LZTFL1: variants seen among roughly 807,000 people sequenced by gnomAD.
LZTFL1 encodes the protein leucine zipper transcription factor like 1.
A neutral mutation model predicts 45.9 loss-of-function variants in LZTFL1; 25 were observed. The ratio of observed to expected loss-of-function variants is 0.54; its 90% CI spans 0.40 to 0.76. LZTFL1 has a LOEUF of 0.76. LZTFL1 is among the 30% of genes least tolerant of loss of function. The probability of loss-of-function intolerance (pLI) is 0.00; values close to 1 mark genes in which losing one functional copy is unlikely to be tolerated. For missense variants in LZTFL1, 277 were observed against 331.1 expected, an observed-to-expected ratio of 0.84 and a Z score of 1.27; for synonymous variants, 93 against 117.4, an observed-to-expected ratio of 0.79 and a Z score of 1.35.
rs750122631 is a variant in LZTFL1, at chr3:45,900,911, C to T, written c.-215+12209G>A. On this transcript the variant is annotated intron_variant, in intron 2 of 4. Coordinates refer to the LZTFL1 transcript ENST00000472635. The surrounding 1 kb of genome is among the most constrained non-coding windows in gnomAD (Gnocchi z 4.7). ...TCACTGACTTCTACTGTGAGAAAAA[C>T]AATGTCAGGCAGTTTGCGAGCCATT... is the stretch of plus-strand genomic sequence containing the variant. 1 of 1,614,176 alleles carries T rather than the reference C, an allele frequency of 6.2e-7. No homozygotes were observed.
chr3:45,850,238 T>G (rs1701286436), intron 4 of LZTFL1, among the ~76,000 whole-genome samples: 1 of 152,218 alleles, frequency 6.6e-6, no homozygotes, highest in Non-Finnish European at 1.5e-5. Context: ...AACAGCCTCA[T>G]GAGATGCATA....
At chr3:45,874,536 G>T (rs1008911635) in intron 2 of LZTFL1, among the ~76,000 whole-genome samples, 9 of 152,104 alleles carry the variant, frequency 5.9e-5, no homozygotes, top group Admixed American at 4.6e-4. Flanking sequence ...TCCTCAGAGA[G>T]GCCTTCTCCC....
intron 2 of LZTFL1, among the ~76,000 whole-genome samples, chr3:45,905,220 T>C (rs898098151): frequency 1.2e-4 from 19 of 152,148 alleles, no homozygotes; most frequent in African/African-American, 4.3e-4. Context: ...AGACACACCA[T>C]AGTGCTTCTG....
chr3:45,899,694 C>T (rs920583893), intron 2 of LZTFL1, among the ~76,000 whole-genome samples: 8 of 152,120 alleles, frequency 5.3e-5, no homozygotes, highest in South Asian at 2.1e-4. Flanking sequence ...GAAGTGAGAG[C>T]GCTTGAAGAT....
At chr3:45,843,386 G>A (rs933259157), upstream of LZTFL1, among the ~76,000 whole-genome samples, 6 of 152,170 alleles carry the variant, frequency 3.9e-5, no homozygotes, top group African/African-American at 9.7e-5. Context: ...GTAGACATTC[G>A]TTGTGTTCAC....
rs200677145 is a variant in LZTFL1 at position 45,901,470 on chromosome 3, G to A, written c.-215+11650C>T. 35 of 1,614,002 alleles carry A rather than the reference G, an allele frequency of 2.2e-5. No homozygotes were observed. Among genetic ancestry groups the A allele is most frequent in the Admixed American group, 2.0e-4 (12 of 59,998 alleles). ...CATTCTGGGGTTCTTCCTTCCCTTC[G>A]TGGTCATGGCTTGCTGCTATACCAT... On this transcript the variant is annotated intron_variant, in intron 2 of 4. Coordinates refer to the LZTFL1 transcript ENST00000472635. The surrounding 1 kb of genome is among the most constrained non-coding windows in gnomAD (Gnocchi z 4.3).
chr3:45,841,858 C>T (rs1022432621), intron 1 of LZTFL1, 131 bp downstream of exon 1: 8 of 1,237,282 alleles, frequency 6.5e-6, no homozygotes, highest in Non-Finnish European at 8.0e-6. Context: ...AGCTCCCCTT[C>T]TCAGGGAGGC....
intron 2 of LZTFL1, among the ~76,000 whole-genome samples, chr3:45,895,628 C>T (rs975601739): frequency 2.0e-5 from 3 of 151,822 alleles, no homozygotes; most frequent in Admixed American, 6.6e-5. Context: ...GCACGAGAGT[C>T]GCTTGAGCCT....
At chr3:45,835,994 G>A (rs1224392794) in intron 2 of LZTFL1, among the ~76,000 whole-genome samples, 1 of 152,094 alleles carries the variant, frequency 6.6e-6, no homozygotes, top group Non-Finnish European at 1.5e-5. Context: ...ATTAAATTGT[G>A]CACATCCTTT....
At chr3:45,843,711 A>G (rs916943524), upstream of LZTFL1, among the ~76,000 whole-genome samples, 1 of 152,246 alleles carries the variant, frequency 6.6e-6, no homozygotes, top group Non-Finnish European at 1.5e-5. Flanking sequence ...GTTAATCACC[A>G]TTAGCCAATC....
intron 2 of LZTFL1, among the ~76,000 whole-genome samples, chr3:45,837,335 C>G (rs1268252709): frequency 6.6e-6 from 1 of 152,192 alleles, no homozygotes; most frequent in African/African-American, 2.4e-5. Flanking sequence ...CTGATGGCCT[C>G]TAATACTGAG....
At chr3:45,896,028 T>C (rs1702345247) in intron 2 of LZTFL1, among the ~76,000 whole-genome samples, 2 of 152,242 alleles carry the variant, frequency 1.3e-5, no homozygotes, top group African/African-American at 2.4e-5. Context: ...ATTTATGATA[T>C]GCTAATGATT....
At chr3:45,830,092 A>G (rs1456988194) in intron 7 of LZTFL1, among the ~76,000 whole-genome samples, 1 of 152,226 alleles carries the variant, frequency 6.6e-6, no homozygotes, top group Non-Finnish European at 1.5e-5. Flanking sequence ...GGGGTTCATT[A>G]TACTATTCTC....
intron 2 of LZTFL1, among the ~76,000 whole-genome samples, chr3:45,894,056 C>T (rs1298313828): frequency 2.6e-5 from 4 of 152,112 alleles, no homozygotes; most frequent in African/African-American, 4.8e-5. Flanking sequence ...AATGTACTCG[C>T]TAAGGGTATA....
In LZTFL1 at chr3:45,900,358, T is replaced by C. The variant is rs1198426389; in HGVS notation, c.-215+12762A>G. 6.6e-6 allele frequency among the ~76,000 whole-genome samples: 1 copy of C among 152,102 alleles called. No homozygotes were observed. The highest frequency in any genetic ancestry group is 1.9e-4 in the East Asian group (1 of 5,188). On this transcript the variant is annotated intron_variant, in intron 2 of 4. Coordinates refer to the LZTFL1 transcript ENST00000472635. The surrounding 1 kb of genome is among the most constrained non-coding windows in gnomAD (Gnocchi z 4.7). ...GGGATCCAGATGAGTTTAAGAGCCC[T>C]TGCTAACCTTTTTAGGGTCAGTGAA... is the stretch of plus-strand genomic sequence containing the variant.
intron 2 of LZTFL1, among the ~76,000 whole-genome samples, chr3:45,909,881 G>T (rs1304888665): frequency 6.6e-6 from 1 of 152,204 alleles, no homozygotes; most frequent in African/African-American, 2.4e-5. Flanking sequence ...AGGACCACAG[G>T]AAAACTGATG....
Position 45,828,571 on chromosome 3 carries a change from G to A in LZTFL1, c.645C>T (p.Val215=), listed in dbSNP as rs781281594. The A allele has an allele frequency of 3.8e-5, 61 of 1,614,102 alleles. No homozygotes were observed. In the East Asian group the frequency reaches 1.0e-3, roughly 27 times the overall value. ...TCTGAAACTCACTCTTTAAGGCAGC[G>A]ACAGTGTTTTCTAAGTTACTTAAGT... ...AQDLSNLENT[V]AALKSEFQKT... is the part of the protein sequence containing the mutation. The change falls in exon 8 of 10, where the codon GTC becomes GTT. Residue 215 remains valine (V), a synonymous_variant. Transcript: ENST00000296135.
At chr3:45,894,525 A>G (rs1027095103) in intron 2 of LZTFL1, among the ~76,000 whole-genome samples, 2 of 152,224 alleles carry the variant, frequency 1.3e-5, no homozygotes, top group Non-Finnish European at 2.9e-5. Flanking sequence ...AGGACTTGAC[A>G]GACAAGCTGA....
chr3:45,914,198 G>T (rs1702852649), intron 1 of LZTFL1, among the ~76,000 whole-genome samples: 1 of 152,060 alleles, frequency 6.6e-6, no homozygotes, highest in Non-Finnish European at 1.5e-5. Context: ...CGTTCACCAG[G>T]ACCACCTGCT....
Sources: gnomAD v4.1 joint callset for allele counts (sites outside exome capture counted in the v4.1 genomes callset) on GRCh38, gnomAD v4.1.1 for gene constraint, Gnocchi (gnomAD v3.1) non-coding constraint, MANE v1.5 for transcripts, NCBI Gene and HGNC (gene_info 2026-07-23, HGNC 2026-07-21) for gene names.